PVT1: variants seen among roughly 807,000 people sequenced by gnomAD.
PVT1 encodes CXCR4/PVT1 fusion.
At chr8:128,068,448 T>C (rs1281475115) in intron 4 of PVT1, among the ~76,000 whole-genome samples, 3 of 152,134 alleles carry the variant, frequency 2.0e-5, no homozygotes, top group Non-Finnish European at 2.9e-5. Flanking sequence ...CAGACAACGG[T>C]AATGTACCTC....
intron 2 of PVT1, among the ~76,000 whole-genome samples, chr8:127,803,968 C>T (rs965796197): frequency 6.6e-6 from 1 of 152,118 alleles, no homozygotes; most frequent in Non-Finnish European, 1.5e-5. Flanking sequence ...ATCTGCCTGC[C>T]TCGGCCTCCC....
intron 3 of PVT1, among the ~76,000 whole-genome samples, chr8:127,914,960 G>A (rs567226888): frequency 3.9e-5 from 6 of 152,066 alleles, no homozygotes; most frequent in Non-Finnish European, 8.8e-5. Context: ...TGAGCGGTTA[G>A]GGTTACAGTC....
chr8:127,867,134 C>A (rs1457685636), intron 2 of PVT1, among the ~76,000 whole-genome samples: 2 of 152,258 alleles, frequency 1.3e-5, no homozygotes, highest in Admixed American at 6.5e-5. Context: ...CTGCCTGCGG[C>A]CTTCCTCGGG....
intron 3 of PVT1, among the ~76,000 whole-genome samples, chr8:127,957,516 C>T (rs917705884): frequency 2.8e-5 from 4 of 140,994 alleles, no homozygotes; most frequent in African/African-American, 1.0e-4. Context: ...TGCAGTGAGC[C>T]GAGATTGCGC....
chr8:127,933,538 G>C (rs1337517196), intron 3 of PVT1, among the ~76,000 whole-genome samples: 1 of 152,182 alleles, frequency 6.6e-6, no homozygotes, highest in African/African-American at 2.4e-5. Flanking sequence ...TCGTAAAGTG[G>C]AGACCCTGTG....
Position 128,008,748 on chromosome 8 carries a change from A to G in PVT1, n.912+19457A>G, listed in dbSNP as rs55715889. 6.3e-3 allele frequency: 1,739 copies of G among 273,908 alleles called. 38 individuals carry two copies. The East Asian group carries it at 0.067, about 11-fold the overall frequency. The allele number at this position is 273,908 out of a possible 1,614,324, so 17.0% of individuals were successfully genotyped here. A position where few individuals can be genotyped will look rare whatever the true frequency, so the allele number is the denominator to read the frequency against. ...ATCAATCCCTGACCATGCTGGGCACAATGCTAAGCATGTGCAGGCATGATG... is the reference window on the plus strand; with the variant it reads ...ATCAATCCCTGACCATGCTGGGCACGATGCTAAGCATGTGCAGGCATGATG... On this transcript the variant is annotated intron_variant and non_coding_transcript_variant, in intron 4 of 10. Transcript: ENST00000651587.
At chr8:127,857,522 A>T (rs1815174978) in intron 2 of PVT1, among the ~76,000 whole-genome samples, 1 of 152,104 alleles carries the variant, frequency 6.6e-6, no homozygotes, top group Non-Finnish European at 1.5e-5. Context: ...AAAATAAAAA[A>T]TTAGCTGGGC....
intron 2 of PVT1, among the ~76,000 whole-genome samples, chr8:127,872,832 A>C (rs963890061): frequency 6.6e-6 from 1 of 152,218 alleles, no homozygotes; most frequent in African/African-American, 2.4e-5. Context: ...TGATGAAATT[A>C]TGTCCACAGT....
intron 2 of PVT1, among the ~76,000 whole-genome samples, chr8:127,825,104 G>T (rs1223752904): frequency 1.8e-5 from 2 of 110,968 alleles, no homozygotes; most frequent in Non-Finnish European, 3.3e-5. Context: ...GGGTAACAGA[G>T]CCAAACACTA....
chr8:128,087,985 C>G (rs990467387), intron 5 of PVT1, among the ~76,000 whole-genome samples: 12 of 152,080 alleles, frequency 7.9e-5, no homozygotes, highest in Non-Finnish European at 1.5e-4. Context: ...TCTCAAACTC[C>G]TGACCTCAAG....
intron 2 of PVT1, among the ~76,000 whole-genome samples, chr8:127,883,527 C>T (rs12334908): frequency 0.021 from 3,220 of 151,644 alleles, 111 homozygotes; most frequent in African/African-American, 0.074. Flanking sequence ...TGTTAAATGA[C>T]GAGTTAATGG....
intron 4 of PVT1, among the ~76,000 whole-genome samples, chr8:128,021,544 C>T (rs1425478984): frequency 6.6e-6 from 1 of 152,028 alleles, no homozygotes; most frequent in Non-Finnish European, 1.5e-5. Context: ...CCGCCCTCCT[C>T]GGCCTCCCAA....
intron 3 of PVT1, among the ~76,000 whole-genome samples, chr8:127,988,943 G>A (rs4733814): frequency 0.28 from 42,592 of 151,856 alleles, 6,123 homozygotes; most frequent in East Asian, 0.44. Flanking sequence ...GGATATCAAA[G>A]CCTATCTCAT....
intron 3 of PVT1, among the ~76,000 whole-genome samples, chr8:127,936,427 C>T (rs1256257900): frequency 2.0e-5 from 3 of 152,140 alleles, no homozygotes; most frequent in East Asian, 1.9e-4. Flanking sequence ...AGGATCACTC[C>T]ATTGTGCCAG....
chr8:127,978,058 T>C (rs1816840555), intron 3 of PVT1, among the ~76,000 whole-genome samples: 1 of 152,212 alleles, frequency 6.6e-6, no homozygotes, highest in African/African-American at 2.4e-5. Context: ...GCTCTTCTCT[T>C]CTCTTGCATG....
intron 3 of PVT1, among the ~76,000 whole-genome samples, chr8:127,957,166 C>T (rs1816579648): frequency 6.6e-6 from 1 of 152,084 alleles, no homozygotes; most frequent in South Asian, 2.1e-4. Flanking sequence ...CCAGGTTGCA[C>T]AGCTTGGGGA....
At chr8:127,821,596 G>A (rs1814729346) in intron 2 of PVT1, among the ~76,000 whole-genome samples, 1 of 152,050 alleles carries the variant, frequency 6.6e-6, no homozygotes, top group South Asian at 2.1e-4. Context: ...TGATCACGAG[G>A]TCAGAAGATC....
intron 3 of PVT1, among the ~76,000 whole-genome samples, chr8:127,902,825 C>G (rs79110370): frequency 5.3e-5 from 8 of 152,264 alleles, no homozygotes; most frequent in African/African-American, 1.9e-4. Context: ...TTTTCTTTAT[C>G]CAGTCCACCA....
intron 5 of PVT1, among the ~76,000 whole-genome samples, chr8:128,072,464 C>T (rs8180901): frequency 6.6e-6 from 1 of 152,148 alleles, no homozygotes; most frequent in African/African-American, 2.4e-5. Flanking sequence ...TTAAAAGTGC[C>T]TTATAAGCTG....
Sources: allele counts gnomAD v4.1 joint callset (sites outside exome capture counted in the v4.1 genomes callset), GRCh38; gene constraint gnomAD v4.1.1; transcripts MANE v1.5; gene names NCBI Gene and HGNC (gene_info 2026-07-23, HGNC 2026-07-21).